Variants in ADRA1D observed in about 807,000 individuals in gnomAD.
ADRA1D encodes adrenoceptor alpha 1D.
A neutral mutation model predicts 18.6 loss-of-function variants in ADRA1D; 22 were observed. That is an observed-to-expected ratio of 1.19 (90% CI 0.85 to 1.69). The LOEUF (loss-of-function observed/expected upper bound fraction) is 1.69, where lower values mean the gene tolerates loss of function less well. ADRA1D is among the 40% of genes most tolerant of loss of function. The pLI, the probability that ADRA1D is intolerant of heterozygous loss-of-function variation, is 0.00. For missense variants in ADRA1D, 840 were observed against 840.7 expected (o/e 1.00, Z 0.01); for synonymous variants, 376 against 388.2 (o/e 0.97, Z 0.37).
At position 4,221,856 on chromosome 20, in the gene ADRA1D, C is replaced by G; in HGVS notation, c.1386G>C (p.Leu462=). 1 of 1,468,600 alleles carries G rather than the reference C, an allele frequency of 6.8e-7. No homozygotes were observed. 91.0% of individuals were successfully genotyped at this position (1,468,600 alleles called of 1,614,324 possible). A position where few individuals can be genotyped will look rare whatever the true frequency, so the allele number is the denominator to read the frequency against. The change falls in exon 2 of 2, where the codon CTG becomes CTC. Residue 462 remains leucine (L), a synonymous_variant. Transcript: ENST00000379453. ...SSGDAPPGAP[L]ALTALPDPDP... is the part of the protein sequence containing the mutation. ...CGGGGTCGGGGAGCGCGGTGAGGGC[C>G]AGCGGCGCTCCGGGGGGCGCGTCGC...
chr20:4,232,277 G>A (rs758933392), intron 1 of ADRA1D, among the ~76,000 whole-genome samples: 2 of 152,188 alleles, frequency 1.3e-5, no homozygotes, highest in Non-Finnish European at 2.9e-5. Flanking sequence ...CTCCATAGGG[G>A]GCATTTCCCC....
intron 1 of ADRA1D, among the ~76,000 whole-genome samples, chr20:4,241,858 C>T (rs1981221406): frequency 6.6e-6 from 1 of 152,224 alleles, no homozygotes; most frequent in Non-Finnish European, 1.5e-5. Context: ...CTCACAGCCT[C>T]CCCCCTGCCT....
chr20:4,234,531 C>T (rs1484432733), intron 1 of ADRA1D, among the ~76,000 whole-genome samples: 1 of 152,190 alleles, frequency 6.6e-6, no homozygotes, highest in East Asian at 1.9e-4. Context: ...AGTAAAAATA[C>T]CCCATCCTTC....
At chr20:4,242,586 A>G (rs184865184) in intron 1 of ADRA1D, among the ~76,000 whole-genome samples, 220 of 152,362 alleles carry the variant, frequency 1.4e-3, no homozygotes, top group African/African-American at 4.8e-3. Context: ...CTCACAAGAT[A>G]GGAGAGAGGC....
rs1016606798 is a variant in ADRA1D, at chr20:4,220,938, G to C, written c.*585C>G. On this transcript the variant is annotated 3_prime_UTR_variant, in exon 2 of 2. Coordinates refer to ENST00000379453, the MANE Select transcript of ADRA1D (RefSeq NM_000678.4). ...GCCAGGTGATGGGGTGTGCACGGAG[G>C]AGCCTGGGTGGCGGACAGCGGGCCC... 2 of 153,024 alleles carry C rather than the reference G, an allele frequency of 1.3e-5. No homozygotes were observed. The highest frequency in any genetic ancestry group is 2.4e-5 in the African/African-American group (1 of 41,440). 9.5% of individuals were successfully genotyped at this position (153,024 alleles called of 1,614,324 possible). A position where few individuals can be genotyped will look rare whatever the true frequency, so the allele number is the denominator to read the frequency against.
intron 1 of ADRA1D, 87 bp downstream of exon 1, chr20:4,247,760 T>A: frequency 7.3e-7 from 1 of 1,367,172 alleles, no homozygotes. Flanking sequence ...TAGGTTCAGG[T>A]GGGGGTCGCC....
rs1440308775 is a variant in ADRA1D at position 4,220,745 on chromosome 20, T to C, written c.*778A>G. The C allele has an allele frequency of 6.6e-6, 1 of 152,548 alleles. No homozygotes were observed. The highest frequency in any genetic ancestry group is 1.5e-5 in the Non-Finnish European group (1 of 68,040). The allele number at this position is 152,548 out of a possible 1,614,324, so 9.4% of individuals were successfully genotyped here. A position where few individuals can be genotyped will look rare whatever the true frequency, so the allele number is the denominator to read the frequency against. On this transcript the variant is annotated 3_prime_UTR_variant, in exon 2 of 2. Transcript: ENST00000379453. Reference sequence around the variant, plus strand: ...GCTAAAGAGGGACAGTTTGCACAGCTTGGACAAAATAGAAGTACTCTTACC... The same window carrying C: ...GCTAAAGAGGGACAGTTTGCACAGCCTGGACAAAATAGAAGTACTCTTACC...
chr20:4,248,439 G>C lies in ADRA1D; in HGVS notation c.519C>G (p.Ala173=), dbSNP rs761648746. The change falls in exon 1 of 2, where the codon GCC becomes GCG. Residue 173 remains alanine, a synonymous_variant. Coordinates refer to ENST00000379453, the MANE Select transcript of ADRA1D (RefSeq NM_000678.4). ...AFGRAFCDVW[A]AVDVLCCTAS... is the part of the protein sequence containing the mutation. ...CCGTGCAGCACAGCACGTCCACGGC[G>C]GCCCATACGTCGCAGAAGGCGCGGC... The C allele has an allele frequency of 1.2e-6, 2 of 1,612,000 alleles. No homozygotes were observed. The highest frequency in any genetic ancestry group is 8.5e-7 in the Non-Finnish European group (1 of 1,179,228).
intron 1 of ADRA1D, among the ~76,000 whole-genome samples, chr20:4,242,230 T>C (rs113537633): frequency 0.016 from 2,370 of 152,342 alleles, 66 homozygotes; most frequent in African/African-American, 0.053. Context: ...AATTCATCCA[T>C]GTGTGCATCA....
chr20:4,248,053 A>G lies in ADRA1D; in HGVS notation c.905T>C (p.Val302Ala). The G allele has an allele frequency of 6.5e-7, 1 of 1,549,726 alleles. No individual in the cohort carries two copies. The change falls in exon 1 of 2, where the codon GTG becomes GCG. Residue 302 changes from valine (V) to alanine (A), a missense_variant. Coordinates refer to ENST00000379453, the MANE Select transcript of ADRA1D (RefSeq NM_000678.4). ...VKRERGKASE[V>A]VLRIHCRGAA... Reference sequence around the variant, plus strand: ...GCCGCGACAGTGGATGCGCAGCACCACCTCGGAGGCCTTGCCTCGCTCGCG... The same window carrying G: ...GCCGCGACAGTGGATGCGCAGCACCGCCTCGGAGGCCTTGCCTCGCTCGCG...
At chr20:4,229,595 A>G (rs1412935425) in intron 1 of ADRA1D, among the ~76,000 whole-genome samples, 1 of 152,154 alleles carries the variant, frequency 6.6e-6, no homozygotes, top group Non-Finnish European at 1.5e-5. Flanking sequence ...GGAAACGGCA[A>G]GTGCAAAGGC....
chr20:4,231,038 TTTTC>T (rs3030143), intron 1 of ADRA1D, among the ~76,000 whole-genome samples: 25,824 of 109,134 alleles, frequency 0.24, 3,947 homozygotes, highest in African/African-American at 0.41. Flanking sequence ...CTTTCTTTCT[TTTTC>T]TTTCTTTCTT....
rs534371074 is a variant in ADRA1D, at chr20:4,229,838, C to T, written c.1112-7708G>A. Among the ~76,000 whole-genome samples, 13 of 152,064 alleles carry T rather than the reference C, an allele frequency of 8.5e-5. No homozygotes were observed. In the South Asian group the frequency reaches 2.7e-3, roughly 32 times the overall value. ...TTTCTCACCCTGGCAGCTAGAAAGA[C>T]TGAAAAGACTGGTCACGTCACTCCT... On this transcript the variant is annotated intron_variant, in intron 1 of 1. Transcript: ENST00000379453.
At chr20:4,231,018 T>TTC in intron 1 of ADRA1D, among the ~76,000 whole-genome samples, 1 of 145,634 alleles carries the variant, frequency 6.9e-6, no homozygotes, top group Non-Finnish European at 1.5e-5. Flanking sequence ...TTGCTTTCTT[T>TTC]TCTCTTTCTC....
intron 1 of ADRA1D, among the ~76,000 whole-genome samples, chr20:4,237,458 T>TG (rs144333464): frequency 5.8e-4 from 43 of 73,672 alleles, no homozygotes; most frequent in African/African-American, 1.8e-3. Context: ...CTCCATCTCT[T>TG]GAAAAAAAAA....
chr20:4,221,913 G>A lies in ADRA1D; in HGVS notation c.1329C>T (p.Ser443=). 1 of 1,526,514 alleles carries A rather than the reference G, an allele frequency of 6.6e-7. No homozygotes were observed. The allele number at this position is 1,526,514 out of a possible 1,614,324, so 94.6% of individuals were successfully genotyped here. A position where few individuals can be genotyped will look rare whatever the true frequency, so the allele number is the denominator to read the frequency against. The part of the protein sequence containing the change: ...VYGHHWRAST[S]GLRQDCAPSS... ...TCGGGGCGCAGTCCTGGCGCAGGCCGCTGGTGGAGGCCCGCCAGTGGTGGC... is the reference window on the plus strand; with the variant it reads ...TCGGGGCGCAGTCCTGGCGCAGGCCACTGGTGGAGGCCCGCCAGTGGTGGC... The change falls in exon 2 of 2, where the codon AGC becomes AGT. Residue 443 remains serine (S), a synonymous_variant. Coordinates refer to ENST00000379453, the MANE Select transcript of ADRA1D (RefSeq NM_000678.4).
At chr20:4,247,063 C>G (rs117410094) in intron 1 of ADRA1D, among the ~76,000 whole-genome samples, 2 of 152,312 alleles carry the variant, frequency 1.3e-5, no homozygotes, top group Non-Finnish European at 2.9e-5. Context: ...GTCCCAGACC[C>G]AGGGCTTCCA....
rs1276907436 is a variant in ADRA1D, at chr20:4,222,585, C to T, written c.1112-455G>A. The stretch of plus-strand genomic sequence containing the variant: ...TAAAATAGGATAGAACATACGCCCC[C>T]GCCTCCCTGCCACATCTCCTGTCTG... On this transcript the variant is annotated intron_variant, in intron 1 of 1. Coordinates refer to ENST00000379453, the MANE Select transcript of ADRA1D (RefSeq NM_000678.4). The surrounding 1 kb of genome is among the most constrained non-coding windows in gnomAD (Gnocchi z 4.3). Among the ~76,000 whole-genome samples the T allele has an allele frequency of 6.6e-6, 1 of 152,168 alleles. No homozygotes were observed. Among genetic ancestry groups the T allele is most frequent in the Non-Finnish European group, 1.5e-5 (1 of 68,036 alleles).
At chr20:4,224,941 G>A (rs1000733150) in intron 1 of ADRA1D, among the ~76,000 whole-genome samples, 5 of 151,534 alleles carry the variant, frequency 3.3e-5, no homozygotes, top group African/African-American at 1.2e-4. Flanking sequence ...ATATGGCACA[G>A]GCTTCTCAAA....
Sources: gnomAD v4.1 joint callset for allele counts (sites outside exome capture counted in the v4.1 genomes callset) on GRCh38, gnomAD v4.1.1 for gene constraint, Gnocchi (gnomAD v3.1) non-coding constraint, MANE v1.5 for transcripts, NCBI Gene and HGNC (gene_info 2026-07-23, HGNC 2026-07-21) for gene names.